GRID2: variants seen among roughly 807,000 people sequenced by gnomAD.
GRID2 encodes glutamate receptor ionotropic, delta-2.
Under a neutral mutation model 114.8 loss-of-function variants are expected in GRID2, and 33 were observed. The observed-to-expected ratio is 0.29, with a 90% CI of 0.22 to 0.38. The LOEUF (loss-of-function observed/expected upper bound fraction) is 0.38, where lower values mean the gene tolerates loss of function less well. Ranked by LOEUF, GRID2 falls within the 10% of genes least tolerant of loss-of-function variation. The pLI is 1.00. For synonymous variants in GRID2, 505 were observed against 449.9 expected (o/e 1.12, Z -1.55); for missense variants, 1,184 against 1,257.7 (o/e 0.94, Z 0.89).
intron 1 of GRID2, among the ~76,000 whole-genome samples, chr4:92,528,529 T>C (rs1164939616): frequency 6.6e-6 from 1 of 151,904 alleles, no homozygotes; most frequent in Non-Finnish European, 1.5e-5. Context: ...TTCATTTAGA[T>C]GGGATTTATT....
chr4:92,713,519 T>TATA (rs1464081862), intron 2 of GRID2, among the ~76,000 whole-genome samples: 30 of 81,332 alleles, frequency 3.7e-4, no homozygotes, highest in Non-Finnish European at 5.5e-4. Flanking sequence ...ATATATATAT[T>TATA]ACCAAAATTA....
At chr4:92,689,185 A>G (rs1450574115) in intron 2 of GRID2, among the ~76,000 whole-genome samples, 1 of 152,200 alleles carries the variant, frequency 6.6e-6, no homozygotes, top group Non-Finnish European at 1.5e-5. Flanking sequence ...TAGATTTAGC[A>G]TAATTCTTAA....
intron 1 of GRID2, among the ~76,000 whole-genome samples, chr4:92,421,819 G>C (rs189467158): frequency 6.6e-6 from 1 of 152,178 alleles, no homozygotes; most frequent in African/African-American, 2.4e-5. Context: ...AAGAACACTG[G>C]GTAGTATAGT....
At chr4:92,673,237 T>C (rs1385937549) in intron 2 of GRID2, among the ~76,000 whole-genome samples, 3 of 152,204 alleles carry the variant, frequency 2.0e-5, no homozygotes, top group Non-Finnish European at 4.4e-5. Flanking sequence ...TTTCACTTAC[T>C]ATATTCAATC....
intron 2 of GRID2, among the ~76,000 whole-genome samples, chr4:92,663,363 G>T (rs1182340934): frequency 6.6e-6 from 1 of 151,090 alleles, no homozygotes; most frequent in East Asian, 1.9e-4. Flanking sequence ...AATCAAAAAA[G>T]GTTAGAGATA....
chr4:93,544,344 A>G (rs563766047), intron 13 of GRID2, among the ~76,000 whole-genome samples: 41 of 152,286 alleles, frequency 2.7e-4, no homozygotes, highest in Middle Eastern at 6.8e-3. Context: ...TGTATTTATG[A>G]TATGTCCTGA....
rs571556060 is a variant in GRID2 at position 93,276,120 on chromosome 4, A to G, written c.1245+37630A>G. 5.2e-4 allele frequency among the ~76,000 whole-genome samples: 79 copies of G among 151,992 alleles called. 2 individuals carry two copies. The South Asian group carries it at 0.015, about 30-fold the overall frequency. ...TAGGTCTATGATATATTTTGAGTTA[A>G]TTTTTGTATGTGATATGATATAGTG... On this transcript the variant is annotated intron_variant, in intron 8 of 15. Coordinates refer to ENST00000282020, the MANE Select transcript of GRID2 (RefSeq NM_001510.4).
intron 8 of GRID2, among the ~76,000 whole-genome samples, chr4:93,347,840 A>G (rs1022242061): frequency 8.6e-5 from 13 of 152,030 alleles, no homozygotes; most frequent in African/African-American, 2.9e-4. Flanking sequence ...CTTAAACACT[A>G]CCTTATACTG....
chr4:93,666,186 G>C (rs1723929814), intron 14 of GRID2, among the ~76,000 whole-genome samples: 1 of 152,006 alleles, frequency 6.6e-6, no homozygotes, highest in Admixed American at 6.6e-5. Flanking sequence ...TGTCAGCACT[G>C]TTCTGGCATA....
At chr4:93,582,716 T>A (rs991115096) in intron 13 of GRID2, among the ~76,000 whole-genome samples, 7 of 152,162 alleles carry the variant, frequency 4.6e-5, no homozygotes, top group South Asian at 2.1e-4. Context: ...GTGTTTTTTT[T>A]AATAATAAAA....
At chr4:93,356,070 A>C (rs1037480117) in intron 8 of GRID2, among the ~76,000 whole-genome samples, 1 of 152,124 alleles carries the variant, frequency 6.6e-6, no homozygotes, top group African/African-American at 2.4e-5. Context: ...TAAAATATAA[A>C]CATTATTGTT....
chr4:93,237,987 C>G (rs1171229612), intron 7 of GRID2, among the ~76,000 whole-genome samples: 1 of 151,652 alleles, frequency 6.6e-6, no homozygotes, highest in African/African-American at 2.4e-5. Flanking sequence ...TGAAATCTAT[C>G]TTATATAGAT....
chr4:93,441,677 T>G (rs1721631203), intron 10 of GRID2, among the ~76,000 whole-genome samples: 1 of 151,860 alleles, frequency 6.6e-6, no homozygotes. Flanking sequence ...ATATTCAGAA[T>G]GAATATTTGG....
chr4:93,308,062 G>A (rs1265481453), intron 8 of GRID2, among the ~76,000 whole-genome samples: 1 of 151,616 alleles, frequency 6.6e-6, no homozygotes, highest in East Asian at 1.9e-4. Context: ...TCCATGAAGA[G>A]GCAAAATCTT....
At chr4:92,577,649 A>C (rs1727961103) in intron 1 of GRID2, among the ~76,000 whole-genome samples, 2 of 152,152 alleles carry the variant, frequency 1.3e-5, no homozygotes, top group African/African-American at 4.8e-5. Context: ...GTATGTGAAA[A>C]AATAAATCTC....
At chr4:93,704,085 T>C (rs142235383) in intron 14 of GRID2, among the ~76,000 whole-genome samples, 10,164 of 152,198 alleles carry the variant, frequency 0.067, 359 homozygotes, top group Middle Eastern at 0.089. Flanking sequence ...ACTTCCACAA[T>C]GGTTGAACTA....
chr4:93,397,893 G>A (rs1195379814), intron 9 of GRID2, among the ~76,000 whole-genome samples: 2 of 151,382 alleles, frequency 1.3e-5, no homozygotes, highest in South Asian at 2.1e-4. Flanking sequence ...TATTTTTATT[G>A]GGTTTTTTTC....
intron 4 of GRID2, among the ~76,000 whole-genome samples, chr4:93,149,580 A>AC (rs948151861): frequency 2.0e-5 from 3 of 151,796 alleles, no homozygotes; most frequent in African/African-American, 7.3e-5. Context: ...CATCAAAAAA[A>AC]AAAAACAAAA....
chr4:92,703,589 C>T (rs1243828922), intron 2 of GRID2, among the ~76,000 whole-genome samples: 1 of 145,898 alleles, frequency 6.9e-6, no homozygotes, highest in African/African-American at 2.5e-5. Flanking sequence ...GTCTCTAAGA[C>T]TCTTCATTAA....
Sources: allele counts gnomAD v4.1 joint callset (sites outside exome capture counted in the v4.1 genomes callset), GRCh38; gene constraint gnomAD v4.1.1; transcripts MANE v1.5; gene names NCBI Gene and HGNC (gene_info 2026-07-23, HGNC 2026-07-21).